The following LOC122513141 variants were observed in gnomAD, a reference collection of about 807,000 sequenced individuals.
chr9:137,217,813 C>T, the LOC122513141 span: 5 of 397,182 alleles, frequency 1.3e-5, no homozygotes, highest in Admixed American at 4.4e-5. Flanking sequence ...CTGAACTGTG[C>T]CCTGGGGCCC....
the LOC122513141 span, chr9:137,217,869 C>G: frequency 2.5e-6 from 1 of 398,248 alleles, no homozygotes; most frequent in Non-Finnish European, 4.4e-6. Context: ...GTCAGTCCAC[C>G]TGGGTCCTCT....
the LOC122513141 span, chr9:137,218,528 G>C: frequency 2.5e-6 from 1 of 400,858 alleles, no homozygotes; most frequent in Admixed American, 4.4e-5. Flanking sequence ...TGAGCTTCTG[G>C]GGCTGCTGCT....
chr9:137,218,380 C>G, the LOC122513141 span: 1 of 398,650 alleles, frequency 2.5e-6, no homozygotes, highest in Non-Finnish European at 4.4e-6. Context: ...ACCAGCTGCG[C>G]TTCCTGGCAG....
chr9:137,218,285 G>A, the LOC122513141 span: 5 of 398,174 alleles, frequency 1.3e-5, no homozygotes, highest in Non-Finnish European at 2.2e-5. Context: ...GCTACAGGCC[G>A]ACGGGCCCTC....
the LOC122513141 span, chr9:137,218,284 C>T: frequency 6.5e-5 from 26 of 398,178 alleles, no homozygotes; most frequent in Non-Finnish European, 1.0e-4. Context: ...TGCTACAGGC[C>T]GACGGGCCCT....
At chr9:137,218,551 G>T in the LOC122513141 span, 1 of 399,956 alleles carries the variant, frequency 2.5e-6, no homozygotes, top group Non-Finnish European at 4.4e-6. Flanking sequence ...TCTTCACGCC[G>T]CTCCTGCTGC....
At chr9:137,218,943 G>A in the LOC122513141 span, 2 of 272,058 alleles carry the variant, frequency 7.4e-6, no homozygotes, top group East Asian at 1.3e-4. Flanking sequence ...TACTGGCCAC[G>A]GGCTGACGCC....
chr9:137,218,358 T>G, the LOC122513141 span: 1 of 398,290 alleles, frequency 2.5e-6, no homozygotes, highest in Non-Finnish European at 4.4e-6. Context: ...TGGGGCTCCC[T>G]GGAGCACCGC....
chr9:137,218,254 C>A, the LOC122513141 span: 1 of 398,342 alleles, frequency 2.5e-6, no homozygotes. Context: ...AATGGGAGAT[C>A]TGCCGGCTAC....
At chr9:137,218,711 GT>G in the LOC122513141 span, 1 of 397,720 alleles carries the variant, frequency 2.5e-6, no homozygotes, top group Non-Finnish European at 4.4e-6. Context: ...AAAACCCAAG[GT>G]TGGGTCCAGG....
At chr9:137,217,872 G>T in the LOC122513141 span, 1 of 398,228 alleles carries the variant, frequency 2.5e-6, no homozygotes, top group Admixed American at 4.4e-5. Context: ...AGTCCACCTG[G>T]GTCCTCTCTG....
the LOC122513141 span, chr9:137,217,750 C>T: frequency 2.6e-3 from 988 of 385,798 alleles, 9 homozygotes; most frequent in East Asian, 2.0e-3. Flanking sequence ...CCCCTGTCGC[C>T]GCCCTGGGGT....
At chr9:137,218,144 C>T in the LOC122513141 span, 5 of 398,398 alleles carry the variant, frequency 1.3e-5, no homozygotes, top group Non-Finnish European at 2.2e-5. Flanking sequence ...TAGCCACGGC[C>T]TGTGTGTGGG....
At chr9:137,217,764 T>C in the LOC122513141 span, 6 of 388,482 alleles carry the variant, frequency 1.5e-5, no homozygotes, top group Non-Finnish European at 2.7e-5. Flanking sequence ...CTGGGGTCCC[T>C]GTCCTCCTAT....
the LOC122513141 span, chr9:137,218,309 C>T: frequency 5.3e-5 from 21 of 398,172 alleles, no homozygotes; most frequent in Middle Eastern, 1.2e-3. Flanking sequence ...CCAGCCCCGC[C>T]GAGAGGCCCC....
chr9:137,218,490 G>A, the LOC122513141 span: 10 of 398,148 alleles, frequency 2.5e-5, no homozygotes, highest in East Asian at 1.1e-4. Context: ...TGTGCCCGCC[G>A]CCTGGCGCTG....
the LOC122513141 span, chr9:137,219,241 G>A: frequency 2.0e-4 from 31 of 152,272 alleles, no homozygotes; most frequent in African/African-American, 7.2e-4. Flanking sequence ...TGGAACATAA[G>A]CTCTGCCCCT....
At chr9:137,217,761 C>T in the LOC122513141 span, 1 of 389,912 alleles carries the variant, frequency 2.6e-6, no homozygotes, top group African/African-American at 2.1e-5. Context: ...GCCCTGGGGT[C>T]CCTGTCCTCC....
chr9:137,218,069 G>A, the LOC122513141 span: 11 of 399,298 alleles, frequency 2.8e-5, no homozygotes, highest in Non-Finnish European at 4.4e-5. Flanking sequence ...GGGGGAAGAG[G>A]AGGAGTGCCC....
Sources: allele counts gnomAD v4.1 joint callset, GRCh38; gene constraint gnomAD v4.1.1; transcripts MANE v1.5.